Variants in TYW1 observed in about 807,000 individuals in gnomAD.
The protein encoded by TYW1 is tRNA-yW synthesizing protein 1 homolog.
In TYW1, 46 loss-of-function variants were observed where a neutral mutation model predicts 96.2. The ratio of observed to expected loss-of-function variants is 0.48; its 90% confidence interval spans 0.38 to 0.61. The LOEUF (loss-of-function observed/expected upper bound fraction) is 0.61, where lower values mean the gene tolerates loss of function less well. Ranked by LOEUF, TYW1 falls within the 20% of genes least tolerant of loss-of-function variation. TYW1 has a pLI of 0.00. For missense variants in TYW1, 684 were observed against 909.6 expected (o/e 0.75, Z 3.19); for synonymous variants, 274 against 323.0 (o/e 0.85, Z 1.63).
intron 11 of TYW1, among the ~76,000 whole-genome samples, chr7:67,096,882 G>T (rs2686986): frequency 4.6e-5 from 7 of 152,150 alleles, no homozygotes; most frequent in Admixed American, 1.3e-4. Flanking sequence ...AGCATATCTT[G>T]TAATGCCTTC....
intron 7 of TYW1, among the ~76,000 whole-genome samples, 159 bp from the exon 8 acceptor site, chr7:67,049,790 G>A (rs541612282): frequency 6.6e-6 from 1 of 152,106 alleles, no homozygotes; most frequent in Non-Finnish European, 1.5e-5. Flanking sequence ...CAGGTGATCC[G>A]CCTGCCCTGG....
In TYW1 at chr7:67,013,806, T is replaced by C. The variant is rs1167409847; in HGVS notation, c.376-561T>C. Among the ~76,000 whole-genome samples, 30 of 143,206 alleles carry C rather than the reference T, an allele frequency of 2.1e-4. 1 individual carries two copies. Among genetic ancestry groups the C allele is most frequent in the Non-Finnish European group, 2.7e-4 (18 of 66,830 alleles). 93.9% of individuals were successfully genotyped at this position (143,206 alleles called of 152,430 possible). On this transcript the variant is annotated intron_variant, in intron 4 of 15. Coordinates refer to ENST00000359626, the MANE Select transcript of TYW1 (RefSeq NM_018264.4). ...TCGCCCAGGCTGGAGTGCAGTGACG[T>C]GATCTTGGCTCGCTGCAAGCTCTGC...
intron 15 of TYW1, among the ~76,000 whole-genome samples, chr7:67,198,814 A>G (rs10254788): frequency 0.25 from 38,204 of 152,034 alleles, 4,985 homozygotes; most frequent in African/African-American, 0.3. Flanking sequence ...GTCACCTTCA[A>G]TTTGGAACAT....
At chr7:67,092,294 T>C (rs1198066020) in intron 11 of TYW1, among the ~76,000 whole-genome samples, 1 of 151,958 alleles carries the variant, frequency 6.6e-6, no homozygotes, top group Admixed American at 6.6e-5. Context: ...TTCCTTTTTG[T>C]ATTATATTAT....
intron 12 of TYW1, among the ~76,000 whole-genome samples, chr7:67,114,676 G>A (rs1317039759): frequency 6.6e-6 from 1 of 152,140 alleles, no homozygotes; most frequent in Non-Finnish European, 1.5e-5. Flanking sequence ...AGACTCTTTT[G>A]CTTTTTGGGA....
chr7:67,128,679 T>C (rs1797975375), intron 13 of TYW1, among the ~76,000 whole-genome samples: 1 of 147,328 alleles, frequency 6.8e-6, no homozygotes, highest in Non-Finnish European at 1.5e-5. Flanking sequence ...GTCTTATGAT[T>C]AGGTCTCAGT....
chr7:67,032,643 G>C (rs1451148858), intron 7 of TYW1, among the ~76,000 whole-genome samples: 1 of 151,778 alleles, frequency 6.6e-6, no homozygotes, highest in Non-Finnish European at 1.5e-5. Context: ...AGAAAAGTGG[G>C]GAAGTTCTTA....
At chr7:67,074,192 C>T (rs918958331) in intron 10 of TYW1, among the ~76,000 whole-genome samples, 1 of 151,960 alleles carries the variant, frequency 6.6e-6, no homozygotes, top group Non-Finnish European at 1.5e-5. Flanking sequence ...GTATGTTAGC[C>T]ATATGATTAT....
intron 14 of TYW1, 141 bp from the exon 15 acceptor site, chr7:67,195,029 T>C: frequency 1.1e-6 from 1 of 927,342 alleles, no homozygotes; most frequent in Non-Finnish European, 1.6e-6. Context: ...TTTTATCATC[T>C]CTATATTCAC....
intron 7 of TYW1, among the ~76,000 whole-genome samples, chr7:67,040,071 C>A (rs753180849): frequency 1.5e-4 from 23 of 152,042 alleles, no homozygotes; most frequent in Non-Finnish European, 2.5e-4. Flanking sequence ...GTTCTCCCAT[C>A]CCAGCCTCCC....
chr7:67,211,832 T>C (rs1247186594), intron 15 of TYW1, among the ~76,000 whole-genome samples: 1 of 152,226 alleles, frequency 6.6e-6, no homozygotes, highest in African/African-American at 2.4e-5. Flanking sequence ...TCTTGCAGAC[T>C]CCACCCGTTT....
chr7:67,167,704 A>C (rs1799384117), intron 13 of TYW1, among the ~76,000 whole-genome samples: 1 of 151,658 alleles, frequency 6.6e-6, no homozygotes, highest in South Asian at 2.1e-4. Context: ...TTTTGTCATA[A>C]ATTAAGTATC....
At position 67,239,315 on chromosome 7, in the gene TYW1, T is replaced by C. The variant is rs1301127432; in HGVS notation, c.*786T>C. ...TGTTCGTGAGGTCACTGTCCAGGCC[T>C]CTCATATCATGACCAGACGGCGGGT... On this transcript the variant is annotated 3_prime_UTR_variant, in exon 16 of 16. Transcript: ENST00000359626. 2 of 985,342 alleles carry C rather than the reference T, an allele frequency of 2.0e-6. No individual in the cohort carries two copies. Among genetic ancestry groups the C allele is most frequent in the East Asian group, 2.3e-4 (2 of 8,824 alleles). 61.0% of individuals were successfully genotyped at this position (985,342 alleles called of 1,614,324 possible).
At chr7:67,095,258 C>G (rs114461264) in intron 11 of TYW1, among the ~76,000 whole-genome samples, 2 of 152,068 alleles carry the variant, frequency 1.3e-5, no homozygotes, top group African/African-American at 2.4e-5. Context: ...CTCGGCCTCA[C>G]TAAGTGCTGG....
intron 13 of TYW1, among the ~76,000 whole-genome samples, chr7:67,144,071 A>C (rs867550485): frequency 2.0e-5 from 3 of 152,250 alleles, no homozygotes; most frequent in African/African-American, 7.2e-5. Flanking sequence ...AATTTTATAT[A>C]GGTCATTAAT....
At chr7:67,159,414 T>C (rs940651678) in intron 13 of TYW1, among the ~76,000 whole-genome samples, 2 of 152,252 alleles carry the variant, frequency 1.3e-5, no homozygotes, top group African/African-American at 4.8e-5. Context: ...TGCACATTCT[T>C]ACATGATGAA....
At chr7:67,226,279 G>T (rs1801558194) in intron 15 of TYW1, among the ~76,000 whole-genome samples, 1 of 152,132 alleles carries the variant, frequency 6.6e-6, no homozygotes, top group Non-Finnish European at 1.5e-5. Context: ...GGGACCCGAT[G>T]GCCTTTGTAG....
intron 15 of TYW1, among the ~76,000 whole-genome samples, chr7:67,209,639 C>A (rs1169514789): frequency 6.6e-6 from 1 of 152,148 alleles, no homozygotes; most frequent in African/African-American, 2.4e-5. Context: ...GTGGCGCGAT[C>A]TCAGCTCGCT....
At chr7:67,111,966 G>C (rs560828662) in intron 12 of TYW1, among the ~76,000 whole-genome samples, 38 of 152,066 alleles carry the variant, frequency 2.5e-4, no homozygotes, top group East Asian at 9.7e-4. Flanking sequence ...GGGCATGGTG[G>C]TGGGTGCCTA....
Sources: gnomAD v4.1 joint callset for allele counts (sites outside exome capture counted in the v4.1 genomes callset) on GRCh38, gnomAD v4.1.1 for gene constraint, MANE v1.5 for transcripts, NCBI Gene and HGNC (gene_info 2026-07-23, HGNC 2026-07-21) for gene names.